The following PIP5K1B variants were observed in gnomAD, a reference collection of about 807,000 sequenced individuals.
The protein encoded by PIP5K1B is phosphatidylinositol 4-phosphate 5-kinase type-1 beta.
A neutral mutation model predicts 67.0 loss-of-function variants in PIP5K1B; 42 were observed. The observed-to-expected ratio is 0.63, with a 90% CI of 0.49 to 0.81. The LOEUF (loss-of-function observed/expected upper bound fraction) is 0.81. Among genes scored for constraint, PIP5K1B ranks in the 30% least tolerant of loss-of-function variants. The pLI, the probability that PIP5K1B is intolerant of heterozygous loss-of-function variation, is 0.00. For synonymous variants in PIP5K1B, 214 were observed against 231.4 expected (o/e 0.92, Z 0.68); for missense variants, 459 against 646.3 (o/e 0.71, Z 3.14).
intron 8 of PIP5K1B, among the ~76,000 whole-genome samples, chr9:68,914,527 A>G (rs1826000669): frequency 6.6e-6 from 1 of 152,130 alleles, no homozygotes; most frequent in South Asian, 2.1e-4. Context: ...CTTCCTGGCT[A>G]ACATGGTGAA....
Position 68,766,284 on chromosome 9 carries a change from A to AT in PIP5K1B, c.-86+23628dup, listed in dbSNP as rs554961872. ...GCTGCTTTTTTTATATATGAAATAAATACATCTCTTATAAGCAAAAACTAT... is the reference window on the plus strand; with the variant it reads ...GCTGCTTTTTTTATATATGAAATAAATTACATCTCTTATAAGCAAAAACTAT... On this transcript the variant is annotated intron_variant, in intron 2 of 15. Coordinates refer to ENST00000265382, the MANE Select transcript of PIP5K1B (RefSeq NM_003558.4). 7.5e-3 allele frequency among the ~76,000 whole-genome samples: 1,140 copies of AT among 152,318 alleles called. 7 individuals carry two copies. The highest frequency in any genetic ancestry group is 0.017 in the Middle Eastern group (5 of 294).
chr9:68,823,682 G>A (rs1833842875), intron 4 of PIP5K1B, among the ~76,000 whole-genome samples: 1 of 152,170 alleles, frequency 6.6e-6, no homozygotes, highest in Non-Finnish European at 1.5e-5. Flanking sequence ...ATACATTTTA[G>A]CTTTTCAAAG....
chr9:69,002,360 G>A (rs113569859), intron 15 of PIP5K1B, among the ~76,000 whole-genome samples: 1 of 152,136 alleles, frequency 6.6e-6, no homozygotes, highest in Admixed American at 6.5e-5. Context: ...GGATCTGAGC[G>A]TGCCTAAGTT....
At chr9:68,806,698 C>T (rs985839523) in intron 2 of PIP5K1B, among the ~76,000 whole-genome samples, 1 of 152,196 alleles carries the variant, frequency 6.6e-6, no homozygotes, top group African/African-American at 2.4e-5. Flanking sequence ...TCCTTCCCTC[C>T]TGCTCTGACA....
At chr9:68,929,610 G>GAA (rs962404246) in intron 12 of PIP5K1B, among the ~76,000 whole-genome samples, 1 of 152,004 alleles carries the variant, frequency 6.6e-6, no homozygotes, top group African/African-American at 2.4e-5. Flanking sequence ...TGTTCTTTTT[G>GAA]AAGTAATCAA....
chr9:68,820,778 C>T (rs1833693885), intron 3 of PIP5K1B, among the ~76,000 whole-genome samples: 1 of 152,094 alleles, frequency 6.6e-6, no homozygotes, highest in African/African-American at 2.4e-5. Flanking sequence ...ACAGAAGTAG[C>T]ATAACTGGCT....
chr9:68,954,775 C>G (rs1828298832), intron 14 of PIP5K1B, among the ~76,000 whole-genome samples: 1 of 152,154 alleles, frequency 6.6e-6, no homozygotes, highest in African/African-American at 2.4e-5. Flanking sequence ...TGGAGTTGCA[C>G]CAGATCTCCT....
rs138909681 is a variant in PIP5K1B at position 68,889,871 on chromosome 9, A to G, written c.471+738A>G. On this transcript the variant is annotated intron_variant, in intron 7 of 15. Transcript: ENST00000265382. ...AAGCTCTTTGCAGCCAGTACGCAGT[A>G]ATAGTATAAATGGTTAACTTTCATG... Among the ~76,000 whole-genome samples, 358 of 152,334 alleles carry G rather than the reference A, an allele frequency of 2.4e-3. 2 individuals carry two copies. Among genetic ancestry groups the G allele is most frequent in the African/African-American group, 8.1e-3 (336 of 41,582 alleles).
chr9:68,754,959 A>C (rs964696350), intron 2 of PIP5K1B, among the ~76,000 whole-genome samples: 1 of 152,208 alleles, frequency 6.6e-6, no homozygotes, highest in African/African-American at 2.4e-5. Flanking sequence ...TGAAAATGGC[A>C]ACTATATTTA....
intron 14 of PIP5K1B, among the ~76,000 whole-genome samples, chr9:68,975,199 G>T (rs981711170): frequency 6.6e-6 from 1 of 152,136 alleles, no homozygotes; most frequent in Non-Finnish European, 1.5e-5. Context: ...CTCCCAAGTG[G>T]CTGGGACTAT....
chr9:68,941,732 A>G (rs1184072712), intron 14 of PIP5K1B, among the ~76,000 whole-genome samples: 2 of 152,332 alleles, frequency 1.3e-5, no homozygotes, highest in East Asian at 3.9e-4. Context: ...TCTCCAGGCT[A>G]GCAGTTCAGT....
intron 2 of PIP5K1B, among the ~76,000 whole-genome samples, chr9:68,752,825 G>T (rs968402575): frequency 2.6e-5 from 4 of 152,152 alleles, no homozygotes; most frequent in African/African-American, 9.7e-5. Context: ...GCCATATGGT[G>T]CAGATATTTC....
intron 2 of PIP5K1B, among the ~76,000 whole-genome samples, chr9:68,800,484 A>G (rs570602231): frequency 2.0e-5 from 3 of 152,198 alleles, no homozygotes; most frequent in African/African-American, 7.2e-5. Flanking sequence ...AGACCTCACC[A>G]TTTCCTTCTT....
intron 1 of PIP5K1B, among the ~76,000 whole-genome samples, chr9:68,741,917 A>T (rs1241141086): frequency 6.6e-6 from 1 of 152,216 alleles, no homozygotes; most frequent in Non-Finnish European, 1.5e-5. Context: ...GTAGGTTATC[A>T]TGGCCCTACT....
chr9:68,932,836 C>T (rs1161050232), intron 12 of PIP5K1B, among the ~76,000 whole-genome samples: 1 of 152,180 alleles, frequency 6.6e-6, no homozygotes, highest in African/African-American at 2.4e-5. Flanking sequence ...CACAGTGGCT[C>T]ATGCCTGTAA....
intron 2 of PIP5K1B, among the ~76,000 whole-genome samples, chr9:68,802,286 T>C (rs1457639142): frequency 6.6e-6 from 1 of 152,256 alleles, no homozygotes; most frequent in East Asian, 1.9e-4. Context: ...TTATGAAGCA[T>C]CTACTTAATG....
intron 1 of PIP5K1B, among the ~76,000 whole-genome samples, chr9:68,727,112 A>G (rs1157868437): frequency 1.3e-5 from 2 of 152,208 alleles, no homozygotes; most frequent in Non-Finnish European, 2.9e-5. Context: ...TTGCAAATAA[A>G]TTAAACAGAA....
intron 12 of PIP5K1B, among the ~76,000 whole-genome samples, chr9:68,932,220 A>G: frequency 6.6e-6 from 1 of 152,116 alleles, no homozygotes; most frequent in Admixed American, 6.5e-5. Context: ...AAACCTTTTG[A>G]TCATTGCTGT....
intron 15 of PIP5K1B, among the ~76,000 whole-genome samples, chr9:69,002,748 C>T (rs1217334264): frequency 2.6e-5 from 4 of 152,114 alleles, no homozygotes; most frequent in South Asian, 2.1e-4. Flanking sequence ...TTTAGGAGGC[C>T]GAGAGGGGCC....
Sources: allele counts gnomAD v4.1 joint callset (sites outside exome capture counted in the v4.1 genomes callset), GRCh38; gene constraint gnomAD v4.1.1; transcripts MANE v1.5; gene names NCBI Gene and HGNC (gene_info 2026-07-23, HGNC 2026-07-21).